Variants in ATE1 observed in about 807,000 individuals in gnomAD.
ATE1 encodes arginyl-tRNA--protein transferase 1.
A neutral mutation model predicts 70.5 loss-of-function variants in ATE1; 36 were observed. That is an observed-to-expected ratio of 0.51 (90% CI 0.39 to 0.67). The LOEUF is 0.67. Among genes scored for constraint, ATE1 ranks in the 30% least tolerant of loss-of-function variants. The pLI is 0.00. For synonymous variants in ATE1, 232 were observed against 219.3 expected (o/e 1.06, Z -0.51); for missense variants, 593 against 629.5 (o/e 0.94, Z 0.62).
intron 7 of ATE1, among the ~76,000 whole-genome samples, chr10:121,874,410 T>C (rs1949962942): frequency 6.6e-6 from 1 of 152,206 alleles, no homozygotes; most frequent in Non-Finnish European, 1.5e-5. Context: ...GTTTCATATT[T>C]CATTGCAGAC....
chr10:121,819,294 TA>T (rs1224465014), intron 10 of ATE1, among the ~76,000 whole-genome samples: 43 of 152,320 alleles, frequency 2.8e-4, no homozygotes, highest in African/African-American at 1.0e-3. Context: ...GAAATAGCTA[TA>T]AAGATAACGC....
intron 10 of ATE1, among the ~76,000 whole-genome samples, chr10:121,797,334 T>C (rs574052691): frequency 2.6e-4 from 39 of 152,296 alleles, no homozygotes; most frequent in African/African-American, 8.2e-4. Context: ...AATGTTTTCA[T>C]TGATGTAATT....
intron 11 of ATE1, among the ~76,000 whole-genome samples, chr10:121,775,609 T>C (rs575608981): frequency 2.0e-4 from 31 of 152,378 alleles, no homozygotes; most frequent in African/African-American, 7.5e-4. Flanking sequence ...TACCCACAAC[T>C]AATATGTGTG....
At chr10:121,846,245 T>C (rs547423045) in intron 8 of ATE1, among the ~76,000 whole-genome samples, 1 of 151,800 alleles carries the variant, frequency 6.6e-6, no homozygotes, top group Admixed American at 6.5e-5. Flanking sequence ...AGCAACAAAA[T>C]AAAACAGTAC....
intron 7 of ATE1, among the ~76,000 whole-genome samples, chr10:121,889,476 TG>T (rs1950512417): frequency 1.3e-5 from 2 of 152,136 alleles, no homozygotes; most frequent in South Asian, 4.1e-4. Context: ...GAACCGTGAC[TG>T]GATCCTATTT....
At chr10:121,800,021 T>C (rs1946813796) in intron 10 of ATE1, among the ~76,000 whole-genome samples, 1 of 152,158 alleles carries the variant, frequency 6.6e-6, no homozygotes, top group Admixed American at 6.5e-5. Flanking sequence ...AATCCAGAAA[T>C]ATGTGATTTT....
intron 8 of ATE1, among the ~76,000 whole-genome samples, chr10:121,857,659 T>C (rs1436352699): frequency 6.6e-6 from 1 of 152,212 alleles, no homozygotes; most frequent in Non-Finnish European, 1.5e-5. Flanking sequence ...CATACATTCA[T>C]CATAGCTCTA....
At chr10:121,849,394 T>A (rs1948969364) in intron 8 of ATE1, among the ~76,000 whole-genome samples, 1 of 152,166 alleles carries the variant, frequency 6.6e-6, no homozygotes, top group East Asian at 1.9e-4. Context: ...GGACCTCCCA[T>A]CTGAAAACCT....
chr10:121,776,666 CAG>C lies in ATE1; in HGVS notation c.1378+13501_1378+13502del, dbSNP rs144172831. Among the ~76,000 whole-genome samples the C allele has an allele frequency of 4.6e-5, 7 of 152,320 alleles. No individual in the cohort carries two copies. The East Asian group carries it at 1.4e-3, about 29-fold the overall frequency. On this transcript the variant is annotated intron_variant, in intron 11 of 11. Coordinates refer to ENST00000224652, the MANE Select transcript of ATE1 (RefSeq NM_001001976.3). ...AAAACCAGAACAGATTCAAAACTAC[CAG>C]AGTGTACCACACGAGTGAGGGTGAG...
At chr10:121,882,705 C>T (rs1205034774) in intron 7 of ATE1, among the ~76,000 whole-genome samples, 1 of 152,172 alleles carries the variant, frequency 6.6e-6, no homozygotes, top group Non-Finnish European at 1.5e-5. Flanking sequence ...TTTGGCAGTA[C>T]TGATATCACC....
chr10:121,857,884 A>G (rs1949306094), intron 8 of ATE1, among the ~76,000 whole-genome samples: 1 of 152,228 alleles, frequency 6.6e-6, no homozygotes, highest in African/African-American at 2.4e-5. Flanking sequence ...CCATCACTTC[A>G]CTTTCTAGCT....
At chr10:121,798,474 G>C (rs974035040) in intron 10 of ATE1, among the ~76,000 whole-genome samples, 1 of 152,210 alleles carries the variant, frequency 6.6e-6, no homozygotes, top group South Asian at 2.1e-4. Flanking sequence ...CATCTGTTAG[G>C]AGAGTTGAAC....
At chr10:121,898,840 C>T in intron 7 of ATE1, 2 of 1,613,448 alleles carry the variant, frequency 1.2e-6, no homozygotes. Context: ...GTTAACAATA[C>T]CTCAGTCTTC....
chr10:121,781,520 G>A (rs1945988303), intron 11 of ATE1, among the ~76,000 whole-genome samples: 1 of 152,172 alleles, frequency 6.6e-6, no homozygotes, highest in Non-Finnish European at 1.5e-5. Context: ...TAGAGTGATG[G>A]ATCACACAAT....
At chr10:121,765,995 C>G (rs1396912253) in intron 11 of ATE1, among the ~76,000 whole-genome samples, 1 of 152,124 alleles carries the variant, frequency 6.6e-6, no homozygotes, top group Admixed American at 6.5e-5. Flanking sequence ...ATGGTGATAT[C>G]ATATATTATA....
intron 8 of ATE1, among the ~76,000 whole-genome samples, chr10:121,845,954 A>C (rs1438854027): frequency 6.6e-6 from 1 of 152,168 alleles, no homozygotes; most frequent in African/African-American, 2.4e-5. Flanking sequence ...AGGGTCTAGA[A>C]GAAACACCAC....
chr10:121,801,123 T>G (rs933723009), intron 10 of ATE1, among the ~76,000 whole-genome samples: 1 of 152,220 alleles, frequency 6.6e-6, no homozygotes, highest in Non-Finnish European at 1.5e-5. Context: ...CCATTTGTGT[T>G]CCCCAAATTC....
intron 8 of ATE1, among the ~76,000 whole-genome samples, chr10:121,852,516 G>A (rs183345002): frequency 2.5e-4 from 38 of 152,142 alleles, no homozygotes; most frequent in African/African-American, 6.3e-4. Context: ...TTTGAGACCA[G>A]CCTGGCCAAC....
rs769579445 is a variant in ATE1 at position 121,899,876 on chromosome 10, G to A, written c.932C>T (p.Thr311Ile). 1 of 1,612,212 alleles carries A rather than the reference G, an allele frequency of 6.2e-7. No individual in the cohort carries two copies. Among genetic ancestry groups the A allele is most frequent in the South Asian group, 1.1e-5 (1 of 90,818 alleles). ...VIHKNPPDTPTESQFTRFLCS... is the reference protein window; with the variant it reads ...VIHKNPPDTPIESQFTRFLCS... ...ACTTGGCCTGCTGACCTGGCTTTCG[G>A]TTGGCGTATCAGGTGGGTTCTTGTG... The change falls in exon 7 of 12, where the codon ACC (threonine) becomes ATC (isoleucine). Residue 311 changes from threonine (T) to isoleucine (I), a missense_variant. By Grantham distance (89) the Thr-to-Ile change is moderately conservative. This residue lies in a region of ATE1 where 467 missense variants were observed against 469.6 expected (regional missense o/e 0.99). Transcript: ENST00000224652.
Sources: gnomAD v4.1 joint callset for allele counts (sites outside exome capture counted in the v4.1 genomes callset) on GRCh38, gnomAD v4.1.1 for gene constraint, gnomAD v4.1.1 regional missense constraint, MANE v1.5 for transcripts, NCBI Gene and HGNC (gene_info 2026-07-23, HGNC 2026-07-21) for gene names.